The following DOK6 variants were observed in gnomAD, a reference collection of about 807,000 sequenced individuals.
DOK6 encodes the protein downstream of tyrosine kinase 6.
Under a neutral mutation model 44.0 loss-of-function variants are expected in DOK6, and 22 were observed. The observed-to-expected ratio is 0.50, with a 90% CI of 0.36 to 0.71. The LOEUF is 0.71. DOK6 is among the 30% of genes least tolerant of loss of function. The pLI is 0.00. For synonymous variants in DOK6, 166 were observed against 145.5 expected (o/e 1.14, Z -1.01); for missense variants, 340 against 416.4 (o/e 0.82, Z 1.60).
At chr18:69,632,419 AT>A (rs1984710410) in intron 3 of DOK6, among the ~76,000 whole-genome samples, 2 of 152,230 alleles carry the variant, frequency 1.3e-5, no homozygotes, top group Admixed American at 1.3e-4. Context: ...GAGGTCCAGT[AT>A]TTTTTTCCCT....
intron 1 of DOK6, among the ~76,000 whole-genome samples, chr18:69,522,743 C>G (rs1639113138): frequency 6.6e-6 from 1 of 152,072 alleles, no homozygotes; most frequent in Non-Finnish European, 1.5e-5. Context: ...AGGTAGTATT[C>G]TGTCCAACTT....
At chr18:69,729,679 G>A (rs963183707) in intron 5 of DOK6, among the ~76,000 whole-genome samples, 24 of 152,040 alleles carry the variant, frequency 1.6e-4, no homozygotes, top group African/African-American at 5.1e-4. Context: ...GGCTGTCACC[G>A]AAGTGAAAAA....
At chr18:69,497,783 A>G (rs1715921723) in intron 1 of DOK6, among the ~76,000 whole-genome samples, 1 of 152,234 alleles carries the variant, frequency 6.6e-6, no homozygotes, top group South Asian at 2.1e-4. Context: ...AATATAAAAC[A>G]GTGTTAAAAT....
chr18:69,507,295 G>A (rs569941673), intron 1 of DOK6, among the ~76,000 whole-genome samples: 2 of 152,178 alleles, frequency 1.3e-5, no homozygotes, highest in South Asian at 4.2e-4. Flanking sequence ...CCAAAGTGCT[G>A]GGATTACAGG....
chr18:69,563,773 C>A lies in DOK6; in HGVS notation c.67-714C>A, dbSNP rs192581161. Among the ~76,000 whole-genome samples the A allele has an allele frequency of 1.6e-4, 24 of 151,306 alleles. No individual in the cohort carries two copies. The East Asian group carries it at 4.1e-3, about 26-fold the overall frequency. ...ATATGTAACAAACCTGCCCATTGTG[C>A]GCATATAACCTAAAACTTAAAGTAT... On this transcript the variant is annotated intron_variant, in intron 1 of 7. Transcript: ENST00000382713.
chr18:69,424,760 A>C (rs1486945263), intron 1 of DOK6, among the ~76,000 whole-genome samples: 2 of 152,068 alleles, frequency 1.3e-5, no homozygotes, highest in Non-Finnish European at 2.9e-5. Context: ...ATTAATCCTT[A>C]TTTCAGGGTT....
chr18:69,574,680 C>A (rs1201713748), intron 2 of DOK6, among the ~76,000 whole-genome samples: 1 of 151,962 alleles, frequency 6.6e-6, no homozygotes, highest in East Asian at 1.9e-4. Flanking sequence ...AAAAAAATTG[C>A]ATGGGGCAAT....
intron 7 of DOK6, among the ~76,000 whole-genome samples, chr18:69,839,815 G>A (rs1445965091): frequency 6.6e-6 from 1 of 152,226 alleles, no homozygotes. Flanking sequence ...CCAGGGGCGT[G>A]GGGCAGGAGG....
intron 1 of DOK6, among the ~76,000 whole-genome samples, chr18:69,444,316 A>G (rs1298700103): frequency 2.0e-5 from 3 of 152,172 alleles, no homozygotes; most frequent in Non-Finnish European, 4.4e-5. Context: ...TGATGGCTGA[A>G]TATTTGAAGA....
intron 7 of DOK6, among the ~76,000 whole-genome samples, chr18:69,838,505 A>G (rs1471172781): frequency 2.0e-5 from 3 of 152,036 alleles, no homozygotes; most frequent in Non-Finnish European, 4.4e-5. Flanking sequence ...CTAGTTACCA[A>G]TCCTATTTGG....
At chr18:69,578,105 T>G (rs1044009515) in intron 2 of DOK6, among the ~76,000 whole-genome samples, 2 of 152,022 alleles carry the variant, frequency 1.3e-5, no homozygotes, top group East Asian at 1.9e-4. Context: ...AAAAGAAAAA[T>G]ACCTGTATCA....
chr18:69,563,965 T>A (rs1460452471), intron 1 of DOK6, among the ~76,000 whole-genome samples: 1 of 152,200 alleles, frequency 6.6e-6, no homozygotes, highest in East Asian at 1.9e-4. Flanking sequence ...ATACTTCCTA[T>A]TACAGAAGTT....
At chr18:69,498,423 C>A (rs1980954479) in intron 1 of DOK6, among the ~76,000 whole-genome samples, 1 of 151,816 alleles carries the variant, frequency 6.6e-6, no homozygotes. Context: ...GGGATGAGTC[C>A]CAGACAGGGC....
intron 5 of DOK6, among the ~76,000 whole-genome samples, chr18:69,727,313 G>C (rs543638080): frequency 1.3e-5 from 2 of 152,174 alleles, no homozygotes; most frequent in Non-Finnish European, 2.9e-5. Context: ...GACCATAGCA[G>C]ACTGTTTTGT....
rs74875410 is a variant in DOK6, at chr18:69,647,714, G to T, written c.290-30020G>T. Reference sequence around the variant, plus strand: ...AATGTGGGAGTAGGAGAAATGAAAGGCACTAGAGAATCTGCTGGTGATCTG... The same window carrying T: ...AATGTGGGAGTAGGAGAAATGAAAGTCACTAGAGAATCTGCTGGTGATCTG... On this transcript the variant is annotated intron_variant, in intron 3 of 7. Transcript: ENST00000382713. Among the ~76,000 whole-genome samples the T allele has an allele frequency of 2.5e-3, 379 of 152,194 alleles. 1 individual carries two copies. The highest frequency in any genetic ancestry group is 8.6e-3 in the African/African-American group (357 of 41,518).
chr18:69,527,257 A>G (rs2144569616), intron 1 of DOK6, among the ~76,000 whole-genome samples: 1 of 152,340 alleles, frequency 6.6e-6, no homozygotes, highest in Non-Finnish European at 1.5e-5. Context: ...TTAGTCCATT[A>G]TCACGCTGCT....
intron 3 of DOK6, chr18:69,663,561 T>A (rs1330694625): frequency 6.6e-6 from 1 of 152,208 alleles, no homozygotes; most frequent in Admixed American, 6.5e-5. Context: ...AATAAACACA[T>A]TGGAGAACAC....
chr18:69,407,972 A>C (rs918876756), intron 1 of DOK6, among the ~76,000 whole-genome samples: 1 of 152,198 alleles, frequency 6.6e-6, no homozygotes, highest in Non-Finnish European at 1.5e-5. Context: ...GACTTATCAC[A>C]CATATTATAT....
At chr18:69,785,486 A>G (rs1332399723) in intron 7 of DOK6, among the ~76,000 whole-genome samples, 1 of 152,204 alleles carries the variant, frequency 6.6e-6, no homozygotes, top group Non-Finnish European at 1.5e-5. Flanking sequence ...TTTAACAATA[A>G]AAAGGGATAT....
Sources: allele counts gnomAD v4.1 joint callset (sites outside exome capture counted in the v4.1 genomes callset), GRCh38; gene constraint gnomAD v4.1.1; transcripts MANE v1.5; gene names NCBI Gene and HGNC (gene_info 2026-07-23, HGNC 2026-07-21).